Variants in TMEM65 observed in about 807,000 individuals in gnomAD.
TMEM65 encodes transmembrane protein 65.
In TMEM65, 22 loss-of-function variants were observed where a neutral mutation model predicts 25.4. The observed-to-expected ratio is 0.86, with a 90% CI of 0.62 to 1.23. The LOEUF is 1.23. Among genes scored for constraint, TMEM65 ranks in the 50% most tolerant of loss-of-function variants. The pLI is 0.00. For synonymous variants in TMEM65, 132 were observed against 126.2 expected (o/e 1.05, Z -0.31); for missense variants, 262 against 308.2 (o/e 0.85, Z 1.12).
At chr8:124,352,491 A>G (rs1814724151) in intron 1 of TMEM65, among the ~76,000 whole-genome samples, 1 of 114,360 alleles carries the variant, frequency 8.7e-6, no homozygotes, top group Non-Finnish European at 1.7e-5. Flanking sequence ...ATAAAATAAA[A>G]TAAAATAAAA....
chr8:124,369,793 C>A (rs1814988834), intron 1 of TMEM65, among the ~76,000 whole-genome samples: 1 of 152,140 alleles, frequency 6.6e-6, no homozygotes, highest in Non-Finnish European at 1.5e-5. Context: ...TGTATTGATA[C>A]TGAAAACAGT....
chr8:124,314,188 A>G, intron 6 of TMEM65, 127 bp from the exon 7 acceptor site: 1 of 708,274 alleles, frequency 1.4e-6, no homozygotes, highest in Non-Finnish European at 2.5e-6. Flanking sequence ...TTCCTCTTCA[A>G]TATTTATCCC....
intron 3 of TMEM65, among the ~76,000 whole-genome samples, chr8:124,323,740 T>C (rs1256981234): frequency 1.3e-5 from 2 of 152,072 alleles, no homozygotes; most frequent in African/African-American, 2.4e-5. Flanking sequence ...TTCTGAACTA[T>C]ACATCTATAC....
chr8:124,360,619 CTTGGT>C (rs1440591902), intron 1 of TMEM65, among the ~76,000 whole-genome samples: 1 of 152,054 alleles, frequency 6.6e-6, no homozygotes, highest in Non-Finnish European at 1.5e-5. Context: ...AACCTTCTTC[CTTGGT>C]TTGGGCAAAT....
intron 1 of TMEM65, among the ~76,000 whole-genome samples, chr8:124,339,956 G>A (rs1814565826): frequency 6.6e-6 from 1 of 152,006 alleles, no homozygotes; most frequent in African/African-American, 2.4e-5. Context: ...TCACTTGTGA[G>A]GTGTATCAGA....
At chr8:124,318,131 G>A (rs1264905279) in intron 6 of TMEM65, among the ~76,000 whole-genome samples, 1 of 152,068 alleles carries the variant, frequency 6.6e-6, no homozygotes, top group East Asian at 1.9e-4. Flanking sequence ...ACATGAGAGT[G>A]CAACAGCAAG....
Position 124,315,218 on chromosome 8 carries a change from A to G in TMEM65, c.622-1157T>C, listed in dbSNP as rs141696462. ...CACAGGGAAAGACAAAATAAGTTCT[A>G]TCAAACATTACAGTTACTATGATAG... On this transcript the variant is annotated intron_variant, in intron 6 of 6. Transcript: ENST00000297632. Among the ~76,000 whole-genome samples the G allele has an allele frequency of 2.6e-5, 4 of 152,302 alleles. No homozygotes were observed. In the East Asian group the frequency reaches 7.7e-4, roughly 29 times the overall value.
chr8:124,334,385 GAAATCTCATCAGAGA>G (rs1814476128), intron 1 of TMEM65, among the ~76,000 whole-genome samples: 1 of 151,994 alleles, frequency 6.6e-6, no homozygotes, highest in South Asian at 2.1e-4. Flanking sequence ...AATAAGACAG[GAAATCTCATCAGAGA>G]AACAGAAGAA....
chr8:124,326,352 T>C (rs1263919562), intron 3 of TMEM65, among the ~76,000 whole-genome samples: 10 of 152,040 alleles, frequency 6.6e-5, no homozygotes, highest in Non-Finnish European at 1.3e-4. Context: ...ATAATTGCCA[T>C]AATAACTGGA....
chr8:124,350,627 T>C (rs1052508981), intron 1 of TMEM65, among the ~76,000 whole-genome samples: 9 of 152,040 alleles, frequency 5.9e-5, no homozygotes, highest in African/African-American at 2.2e-4. Context: ...TATTCAAAAA[T>C]ATATTTTTAA....
chr8:124,360,136 A>T (rs953351043), intron 1 of TMEM65, among the ~76,000 whole-genome samples: 1 of 151,584 alleles, frequency 6.6e-6, no homozygotes, highest in East Asian at 1.9e-4. Context: ...TTACATCTAT[A>T]AAAAAAAATC....
At chr8:124,336,452 G>A (rs1185929735) in intron 1 of TMEM65, among the ~76,000 whole-genome samples, 1 of 151,926 alleles carries the variant, frequency 6.6e-6, no homozygotes, top group Non-Finnish European at 1.5e-5. Context: ...TAGAACATAT[G>A]CTGATCCACA....
chr8:124,317,917 G>A (rs1814257452), intron 6 of TMEM65, among the ~76,000 whole-genome samples: 1 of 152,054 alleles, frequency 6.6e-6, no homozygotes, highest in African/African-American at 2.4e-5. Context: ...CAATCTTTTG[G>A]CTTCCCTGGG....
rs538599842 is a variant in TMEM65 at position 124,340,215 on chromosome 8, T to C, written c.305-9423A>G. Among the ~76,000 whole-genome samples, 74 of 152,282 alleles carry C rather than the reference T, an allele frequency of 4.9e-4. 1 individual carries two copies. The highest frequency in any genetic ancestry group is 2.5e-3 in the South Asian group (12 of 4,828). On this transcript the variant is annotated intron_variant, in intron 1 of 6. Coordinates refer to ENST00000297632, the MANE Select transcript of TMEM65 (RefSeq NM_194291.3). ...TAATAAATTCATGAGTGTTGTATTATTGTATGTGGAACATGGCTAAAAGTT... is the reference window on the plus strand; with the variant it reads ...TAATAAATTCATGAGTGTTGTATTACTGTATGTGGAACATGGCTAAAAGTT...
intron 1 of TMEM65, chr8:124,351,036 A>G (rs1814700383): frequency 1.0e-6 from 1 of 985,076 alleles, no homozygotes; most frequent in South Asian, 4.7e-5. Flanking sequence ...ACTGTACTAT[A>G]CCAAAGCTAT....
chr8:124,323,187 G>A (rs998804655), intron 4 of TMEM65, 134 bp downstream of exon 4: 2 of 532,524 alleles, frequency 3.8e-6, no homozygotes, highest in African/African-American at 4.1e-5. Flanking sequence ...AGAATCAGAA[G>A]AATAGGATGA....
Position 124,343,351 on chromosome 8 carries a change from A to G in TMEM65, c.305-12559T>C, listed in dbSNP as rs911475139. Among the ~76,000 whole-genome samples, 3 of 152,218 alleles carry G rather than the reference A, an allele frequency of 2.0e-5. No homozygotes were observed. In the South Asian group the frequency reaches 6.2e-4, roughly 32 times the overall value. On this transcript the variant is annotated intron_variant, in intron 1 of 6. Coordinates refer to ENST00000297632, the MANE Select transcript of TMEM65 (RefSeq NM_194291.3). Reference sequence around the variant, plus strand: ...CTTATAAACTCTGACTTGATTCAGTATTGAGAGGTTTAAATGCAAGATGCC... The same window carrying G: ...CTTATAAACTCTGACTTGATTCAGTGTTGAGAGGTTTAAATGCAAGATGCC...
chr8:124,350,917 A>G, intron 1 of TMEM65: 1 of 861,300 alleles, frequency 1.2e-6, no homozygotes. Flanking sequence ...TCCATCATAC[A>G]GACAGTCAAA....
chr8:124,332,215 C>T (rs1205293488), intron 1 of TMEM65, among the ~76,000 whole-genome samples: 3 of 152,148 alleles, frequency 2.0e-5, no homozygotes, highest in Non-Finnish European at 4.4e-5. Context: ...TACTGCTATA[C>T]TCCAGAGAAT....
Sources: gnomAD v4.1 joint callset for allele counts (sites outside exome capture counted in the v4.1 genomes callset) on GRCh38, gnomAD v4.1.1 for gene constraint, MANE v1.5 for transcripts, NCBI Gene and HGNC (gene_info 2026-07-23, HGNC 2026-07-21) for gene names.